VWA5A: variants seen among roughly 807,000 people sequenced by gnomAD.
VWA5A encodes von Willebrand factor A domain-containing protein 5A.
A neutral mutation model predicts 84.6 loss-of-function variants in VWA5A; 77 were observed. The ratio of observed to expected loss-of-function variants is 0.91; its 90% CI spans 0.76 to 1.10. The LOEUF (loss-of-function observed/expected upper bound fraction) is 1.10. Ranked by LOEUF, VWA5A falls within the 50% of genes least tolerant of loss-of-function variation. The pLI is 0.00. For synonymous variants in VWA5A, 334 were observed against 350.1 expected (o/e 0.95, Z 0.51); for missense variants, 973 against 963.0 (o/e 1.01, Z -0.14).
At chr11:124,134,560 T>G (rs535416103) in intron 11 of VWA5A, among the ~76,000 whole-genome samples, 1 of 152,180 alleles carries the variant, frequency 6.6e-6, no homozygotes, top group South Asian at 2.1e-4. Flanking sequence ...GTTTCTATCT[T>G]TCTGTTAGTT....
Position 124,137,149 on chromosome 11 carries a change from C to T in VWA5A, c.1760C>T (p.Ala587Val), listed in dbSNP as rs1350782920. 1 of 1,614,088 alleles carries T rather than the reference C, an allele frequency of 6.2e-7. No individual in the cohort carries two copies. The highest frequency in any genetic ancestry group is 1.1e-5 in the South Asian group (1 of 91,082). The stretch of plus-strand genomic sequence containing the variant: ...TCTGGTGTCATAAGCTCCTTCACAG[C>T]TTTCATTGCTATCAATAAGGAGCTC... ...LESGVISSFTAFIAINKELNK... is the reference protein window; with the variant it reads ...LESGVISSFTVFIAINKELNK... The change falls in exon 15 of 19, where the codon GCT (alanine) becomes GTT (valine). Residue 587 changes from alanine to valine, a missense_variant. Ala to Val is a moderately conservative substitution (Grantham distance 64). Transcript: ENST00000456829.
chr11:124,139,769 T>C (rs535136618), intron 15 of VWA5A, among the ~76,000 whole-genome samples: 2 of 152,256 alleles, frequency 1.3e-5, no homozygotes, highest in South Asian at 4.1e-4. Flanking sequence ...CTTCCTCTTT[T>C]CCAATCTAGA....
In VWA5A at chr11:124,135,522, C is replaced by CTTTTTT. The variant is rs60188800; in HGVS notation, c.1359+507_1359+512dup. ...GGAGAAGACCCCTCTGGTGGTATTTCTTTTTTTTTTTTTTTTTTTTTTTTC... is the reference window on the plus strand; with the variant it reads ...GGAGAAGACCCCTCTGGTGGTATTTCTTTTTTTTTTTTTTTTTTTTTTTTTTTTTTC... On this transcript the variant is annotated intron_variant, in intron 12 of 18. Transcript: ENST00000456829. Among the ~76,000 whole-genome samples the CTTTTTT allele has an allele frequency of 4.7e-4, 40 of 84,334 alleles. 2 individuals carry two copies. Among genetic ancestry groups the CTTTTTT allele is most frequent in the South Asian group, 1.9e-3 (4 of 2,058 alleles). 55.3% of individuals were successfully genotyped at this position (84,334 alleles called of 152,430 possible). A position where few individuals can be genotyped will look rare whatever the true frequency, so the allele number is the denominator to read the frequency against.
chr11:124,133,920 G>A (rs967053667), intron 11 of VWA5A, among the ~76,000 whole-genome samples: 3 of 152,150 alleles, frequency 2.0e-5, no homozygotes, highest in African/African-American at 7.2e-5. Flanking sequence ...GTTGTTGTTT[G>A]ATTGTTTAGA....
intron 17 of VWA5A, 148 bp from the exon 18 acceptor site, chr11:124,145,089 C>A (rs17690410): frequency 0.086 from 81,189 of 938,844 alleles, 3,895 homozygotes; most frequent in South Asian, 0.14. Flanking sequence ...TGGCATTATG[C>A]CTTGCAAGTA....
intron 11 of VWA5A, chr11:124,124,683 A>G: frequency 3.8e-6 from 2 of 519,576 alleles, no homozygotes; most frequent in Non-Finnish European, 5.0e-6. Flanking sequence ...TGATCGCCAC[A>G]TAGGTAAAAA....
chr11:124,144,407 A>G (rs1351015725), intron 17 of VWA5A, among the ~76,000 whole-genome samples: 1 of 152,224 alleles, frequency 6.6e-6, no homozygotes, highest in Non-Finnish European at 1.5e-5. Flanking sequence ...TTACCTCCAG[A>G]TAGACCATTT....
At chr11:124,133,720 C>T (rs1418789270) in intron 11 of VWA5A, among the ~76,000 whole-genome samples, 7 of 152,002 alleles carry the variant, frequency 4.6e-5, no homozygotes, top group Non-Finnish European at 8.8e-5. Context: ...AATTAGAAAC[C>T]TAATAGTACT....
intron 5 of VWA5A, 38 bp downstream of exon 5, chr11:124,118,449 A>G (rs1230942066): frequency 6.2e-7 from 1 of 1,611,400 alleles, no homozygotes; most frequent in Non-Finnish European, 8.5e-7. Context: ...GTGGTGGGTG[A>G]CATAAATGGG....
rs764143407 is a variant in VWA5A, at chr11:124,117,438, T to A, written c.-15-59T>A. 4.1e-6 allele frequency: 6 copies of A among 1,466,296 alleles called. No homozygotes were observed. In the South Asian group the frequency reaches 6.8e-5, roughly 17 times the overall value. 90.8% of individuals were successfully genotyped at this position (1,466,296 alleles called of 1,614,324 possible). ...TGCCAGAGAAAGGCACATAAAGTAC[T>A]GGTGTTTGAACAGATAACTTCCAAC... On this transcript the variant is annotated intron_variant, in intron 2 of 18. Transcript: ENST00000456829.
intron 15 of VWA5A, among the ~76,000 whole-genome samples, chr11:124,138,048 A>G (rs1860648467): frequency 6.6e-6 from 1 of 152,126 alleles, no homozygotes; most frequent in Non-Finnish European, 1.5e-5. Flanking sequence ...TTTCGTAGAG[A>G]TGGGGTTTTG....
chr11:124,119,008 G>A lies in VWA5A; in HGVS notation c.679G>A (p.Asp227Asn). The A allele has an allele frequency of 6.2e-7, 1 of 1,614,164 alleles. No individual in the cohort carries two copies. The highest frequency in any genetic ancestry group is 8.5e-7 in the Non-Finnish European group (1 of 1,180,034). Residue 227 changes from aspartate to asparagine, a missense_variant, in exon 7 of 19, where the codon GAC becomes AAC. By Grantham distance (23) the Asp-to-Asn change is conservative. Coordinates refer to ENST00000456829, the MANE Select transcript of VWA5A (RefSeq NM_001130142.2). The stretch of plus-strand genomic sequence containing the variant: ...GGCTGCTGGACACAAGTTTGATCGG[G>A]ACGTGGAACTCCTGATTTACTACAA... ...SLAAGHKFDR[D>N]VELLIYYNEV...
At position 124,121,765 on chromosome 11, in the gene VWA5A, C is replaced by T. The variant is rs144444227; in HGVS notation, c.761-1195C>T. The stretch of plus-strand genomic sequence containing the variant: ...GGCTAAAATTATAGTAGATAATCCA[C>T]ATATAACGCTTACAATTCATCTGGC... On this transcript the variant is annotated intron_variant, in intron 7 of 18. Transcript: ENST00000456829. Among the ~76,000 whole-genome samples, 646 of 152,292 alleles carry T rather than the reference C, an allele frequency of 4.2e-3. 2 individuals are homozygous for T. Among genetic ancestry groups the T allele is most frequent in the Non-Finnish European group, 5.4e-3 (366 of 68,022 alleles).
chr11:124,137,385 C>G, intron 15 of VWA5A, 117 bp downstream of exon 15: 1 of 1,343,372 alleles, frequency 7.4e-7, no homozygotes, highest in East Asian at 2.4e-5. Context: ...TTCCTTATAC[C>G]TCCACATCTA....
Position 124,136,154 on chromosome 11 carries a change from T to G in VWA5A, c.1385T>G (p.Leu462Arg). 1 of 1,614,182 alleles carries G rather than the reference T, an allele frequency of 6.2e-7. No individual in the cohort carries two copies. The highest frequency in any genetic ancestry group is 1.3e-5 in the African/African-American group (1 of 75,068). The stretch of plus-strand genomic sequence containing the variant: ...GCTCTCAGGACTCTGAAACGCTCTC[T>G]GCAGCCTGTGGTAGAGGATGTCTCT... ...SKALRTLKRS[L>R]QPVVEDVSLS... The change falls in exon 13 of 19, where the codon CTG becomes CGG. Residue 462 changes from leucine (L) to arginine (R), a missense_variant. Physicochemically the swap from Leu to Arg is moderately radical, Grantham distance 102. Coordinates refer to ENST00000456829, the MANE Select transcript of VWA5A (RefSeq NM_001130142.2).
chr11:124,132,689 A>G (rs1591362258), intron 11 of VWA5A, among the ~76,000 whole-genome samples: 1 of 152,248 alleles, frequency 6.6e-6, no homozygotes, highest in East Asian at 1.9e-4. Flanking sequence ...AATAATTTCA[A>G]AACACCAGCA....
rs910330577 is a variant in VWA5A at position 124,146,037 on chromosome 11, T to C, written c.*92T>C. 5.3e-6 allele frequency: 7 copies of C among 1,309,176 alleles called. No individual in the cohort carries two copies. Among genetic ancestry groups the C allele is most frequent in the African/African-American group, 1.5e-5 (1 of 66,638 alleles). 81.1% of individuals were successfully genotyped at this position (1,309,176 alleles called of 1,614,324 possible). ...TGTGATGATGTGTTCTTGTGTATTA[T>C]AACTCTTTATTTTTTGCCATAAAAG... On this transcript the variant is annotated 3_prime_UTR_variant, in exon 19 of 19. Coordinates refer to ENST00000456829, the MANE Select transcript of VWA5A (RefSeq NM_001130142.2).
At chr11:124,145,728 A>T in intron 18 of VWA5A, 138 bp from the exon 19 acceptor site, 1 of 897,148 alleles carries the variant, frequency 1.1e-6, no homozygotes, top group Non-Finnish European at 1.7e-6. Flanking sequence ...ATTCAAGGAG[A>T]ATCTGGGTAG....
chr11:124,145,781 C>T (rs1860809973), intron 18 of VWA5A, 85 bp from the exon 19 acceptor site: 1 of 1,362,840 alleles, frequency 7.3e-7, no homozygotes, highest in Non-Finnish European at 1.0e-6. Flanking sequence ...GATAAAAGCA[C>T]AACTCAGGGT....
Sources: gnomAD v4.1 joint callset for allele counts (sites outside exome capture counted in the v4.1 genomes callset) on GRCh38, gnomAD v4.1.1 for gene constraint, MANE v1.5 for transcripts, NCBI Gene and HGNC (gene_info 2026-07-23, HGNC 2026-07-21) for gene names.